Variants in SORT1 observed in about 807,000 individuals in gnomAD.
The protein encoded by SORT1 is sortilin 1, also known as sortilin.
In SORT1, 39 loss-of-function variants were observed where a neutral mutation model predicts 101.7. The ratio of observed to expected loss-of-function variants is 0.38; its 90% confidence interval spans 0.30 to 0.50. The LOEUF (loss-of-function observed/expected upper bound fraction) is 0.50. Ranked by LOEUF, SORT1 falls within the 20% of genes least tolerant of loss-of-function variation. The pLI is 0.90. For missense variants in SORT1, 878 were observed against 1,040.4 expected (o/e 0.84, Z 2.15); for synonymous variants, 396 against 393.7 (o/e 1.01, Z -0.07).
Position 109,342,208 on chromosome 1 carries a change from T to C in SORT1, c.964-50A>G, listed in dbSNP as rs200437143. 26 of 1,411,564 alleles carry C rather than the reference T, an allele frequency of 1.8e-5. No individual in the cohort carries two copies. The African/African-American group carries it at 2.5e-4, about 14-fold the overall frequency. 87.4% of individuals were successfully genotyped at this position (1,411,564 alleles called of 1,614,324 possible). ...TTTCTAATTTTCTGCCAAGATGCCA[T>C]GGGCAGGGACATGAACAAGAATGTT... is the stretch of plus-strand genomic sequence containing the variant. On this transcript the variant is annotated intron_variant, in intron 8 of 19. Transcript: ENST00000256637.
At chr1:109,362,924 A>C (rs1650822749) in intron 3 of SORT1, among the ~76,000 whole-genome samples, 1 of 152,212 alleles carries the variant, frequency 6.6e-6, no homozygotes, top group Non-Finnish European at 1.5e-5. Flanking sequence ...ATCATTAAAA[A>C]GGTTGTTACA....
At chr1:109,374,973 A>G (rs1651730836) in intron 1 of SORT1, among the ~76,000 whole-genome samples, 1 of 152,218 alleles carries the variant, frequency 6.6e-6, no homozygotes, top group Non-Finnish European at 1.5e-5. Context: ...CAAACAAACA[A>G]AAAAACAAAC....
At chr1:109,357,689 G>A (rs1650421076) in intron 3 of SORT1, among the ~76,000 whole-genome samples, 1 of 152,178 alleles carries the variant, frequency 6.6e-6, no homozygotes, top group Non-Finnish European at 1.5e-5. Flanking sequence ...ATCCATGTGT[G>A]TATGTAGAGG....
chr1:109,383,400 T>C (rs1274543500), intron 1 of SORT1, among the ~76,000 whole-genome samples: 1 of 152,242 alleles, frequency 6.6e-6, no homozygotes. Context: ...ACAGGCATCT[T>C]ATGTACAGAA....
At chr1:109,358,718 G>A (rs1376133195) in intron 3 of SORT1, among the ~76,000 whole-genome samples, 1 of 152,090 alleles carries the variant, frequency 6.6e-6, no homozygotes, top group African/African-American at 2.4e-5. Flanking sequence ...GCCAGGCATG[G>A]TGGCACGCGC....
intron 10 of SORT1, among the ~76,000 whole-genome samples, chr1:109,336,639 C>T (rs1648849376): frequency 7.9e-5 from 12 of 152,014 alleles, no homozygotes. Flanking sequence ...GAAACCCTGA[C>T]TCTACCAAAA....
intron 1 of SORT1, among the ~76,000 whole-genome samples, chr1:109,394,737 G>T (rs1653098181): frequency 6.6e-6 from 1 of 152,242 alleles, no homozygotes; most frequent in Non-Finnish European, 1.5e-5. Context: ...CATTTGGAGG[G>T]CATTCACATA....
intron 1 of SORT1, chr1:109,397,172 C>T (rs991052371): frequency 6.6e-6 from 1 of 152,276 alleles, no homozygotes; most frequent in Non-Finnish European, 1.5e-5. Flanking sequence ...TCCCGCCTCT[C>T]CCACCCGGAA....
intron 3 of SORT1, among the ~76,000 whole-genome samples, chr1:109,362,795 T>C (rs1302888097): frequency 6.6e-6 from 1 of 152,058 alleles, no homozygotes; most frequent in East Asian, 1.9e-4. Context: ...TAATATACTT[T>C]TTCTTTAAAA....
intron 10 of SORT1, among the ~76,000 whole-genome samples, chr1:109,338,449 T>A (rs76763895): frequency 0.023 from 3,500 of 152,250 alleles, 142 homozygotes; most frequent in African/African-American, 0.079. Context: ...AATATATAAA[T>A]AAAATGACAC....
In SORT1 at chr1:109,353,339, A is replaced by C. The variant is rs568968241; in HGVS notation, c.708+1028T>G. On this transcript the variant is annotated intron_variant, in intron 5 of 19. Transcript: ENST00000256637. ...GCAAAACTCTGTCTCAAAAAAAAAA[A>C]AAAAAAAAAAAACAAAAGCAAAAAA... Among the ~76,000 whole-genome samples the C allele has an allele frequency of 1.7e-3, 249 of 150,864 alleles. 6 individuals carry two copies. Among genetic ancestry groups the C allele is most frequent in the Non-Finnish European group, 3.0e-3 (201 of 67,750 alleles).
rs1653300151 is a variant in SORT1 at position 109,397,916 on chromosome 1, G to T, written c.-24C>A. 5 of 1,136,298 alleles carry T rather than the reference G, an allele frequency of 4.4e-6. No individual in the cohort carries two copies. Among genetic ancestry groups the T allele is most frequent in the East Asian group, 9.3e-5 (2 of 21,530 alleles). 70.4% of individuals were successfully genotyped at this position (1,136,298 alleles called of 1,614,324 possible). Reference sequence around the variant, plus strand: ...ATCGCCGCCGAATGCCGCCGACGCCGACACCTGCCGCCCGGCGCGCCCGCC... The same window carrying T: ...ATCGCCGCCGAATGCCGCCGACGCCTACACCTGCCGCCCGGCGCGCCCGCC... On this transcript the variant is annotated 5_prime_UTR_variant, in exon 1 of 20. Transcript: ENST00000256637.
At chr1:109,387,047 T>C (rs1053331150) in intron 1 of SORT1, among the ~76,000 whole-genome samples, 2 of 152,200 alleles carry the variant, frequency 1.3e-5, no homozygotes, top group Non-Finnish European at 2.9e-5. Context: ...TCCCAGCACT[T>C]TGGGAGGCTG....
At chr1:109,323,960 C>A (rs1023415989) in intron 14 of SORT1, among the ~76,000 whole-genome samples, 2 of 152,182 alleles carry the variant, frequency 1.3e-5, no homozygotes, top group African/African-American at 4.8e-5. Context: ...GAGGTCCAAA[C>A]CAAGGGTCTG....
In SORT1 at chr1:109,310,768, C is replaced by T. The variant is rs1658680154; in HGVS notation, c.*3275G>A. The T allele has an allele frequency of 6.6e-6, 1 of 152,344 alleles. No homozygotes were observed. Among genetic ancestry groups the T allele is most frequent in the Admixed American group, 6.5e-5 (1 of 15,278 alleles). 9.4% of individuals were successfully genotyped at this position (152,344 alleles called of 1,614,324 possible). On this transcript the variant is annotated 3_prime_UTR_variant, in exon 20 of 20. Coordinates refer to ENST00000256637, the MANE Select transcript of SORT1 (RefSeq NM_002959.7). ...CTGGAAACTAAATAATGACTAATGC[C>T]AGGCCAGCCCCGTTACCCTGGGGTG...
chr1:109,326,192 C>T (rs1302756746), intron 13 of SORT1, among the ~76,000 whole-genome samples: 2 of 148,292 alleles, frequency 1.3e-5, no homozygotes, highest in Middle Eastern at 3.5e-3. Flanking sequence ...GAACCAAAGG[C>T]GTGCACCACC....
At chr1:109,321,903 A>C (rs1647659219) in intron 15 of SORT1, among the ~76,000 whole-genome samples, 1 of 152,064 alleles carries the variant, frequency 6.6e-6, no homozygotes, top group Non-Finnish European at 1.5e-5. Context: ...CAAGTAACTA[A>C]TCCTTAAGTC....
intron 1 of SORT1, among the ~76,000 whole-genome samples, chr1:109,380,191 G>A (rs1652128060): frequency 6.6e-6 from 1 of 152,154 alleles, no homozygotes; most frequent in South Asian, 2.1e-4. Flanking sequence ...GACTCAGGAG[G>A]TTGAGGTGGG....
chr1:109,370,741 T>C (rs1282932903), intron 1 of SORT1, among the ~76,000 whole-genome samples: 1 of 152,222 alleles, frequency 6.6e-6, no homozygotes, highest in African/African-American at 2.4e-5. Flanking sequence ...AGAAGCTCCT[T>C]GGAAGCTGGG....
Sources: allele counts gnomAD v4.1 joint callset (sites outside exome capture counted in the v4.1 genomes callset), GRCh38; gene constraint gnomAD v4.1.1; transcripts MANE v1.5; gene names NCBI Gene and HGNC (gene_info 2026-07-23, HGNC 2026-07-21).